Variants in NCS1 observed in about 807,000 individuals in gnomAD.
The protein encoded by NCS1 is frequenin homolog.
In NCS1, 6 loss-of-function variants were observed where a neutral mutation model predicts 28.4. That is an observed-to-expected ratio of 0.21 (90% confidence interval 0.12 to 0.42). NCS1 has a LOEUF of 0.42. Among genes scored for constraint, NCS1 ranks in the 10% least tolerant of loss-of-function variants. The probability of loss-of-function intolerance (pLI) is 1.00; values close to 1 mark genes in which losing one functional copy is unlikely to be tolerated. For synonymous variants in NCS1, 86 were observed against 99.3 expected (o/e 0.87, Z 0.79); for missense variants, 131 against 241.4 (o/e 0.54, Z 3.03).
intron 1 of NCS1, among the ~76,000 whole-genome samples, chr9:130,199,180 G>A (rs1043991194): frequency 1.3e-5 from 2 of 151,166 alleles, no homozygotes; most frequent in Admixed American, 6.6e-5. Context: ...TGCAACCTCC[G>A]CCTCCCGGGT....
Position 130,223,110 on chromosome 9 carries a change from A to G in NCS1, c.425A>G (p.Glu142Gly), listed in dbSNP as rs1833357348. 1 of 1,611,388 alleles carries G rather than the reference A, an allele frequency of 6.2e-7. No individual in the cohort carries two copies. Among genetic ancestry groups the G allele is most frequent in the African/African-American group, 1.3e-5 (1 of 74,626 alleles). Residue 142 changes from glutamate to glycine, a missense_variant, in exon 6 of 8, where the codon GAG (glutamate) becomes GGG (glycine). Physicochemically the swap from Glu to Gly is moderately conservative, Grantham distance 98 (BLOSUM62 -2). Coordinates refer to ENST00000372398, the MANE Select transcript of NCS1 (RefSeq NM_014286.4). ...VGNTVELPEE[E>G]NTPEKRVDRI... ...AATACCGTGGAGCTCCCAGAGGAGGAGAACACTCCTGAGAAGAGGGTGGAC... is the reference window on the plus strand; with the variant it reads ...AATACCGTGGAGCTCCCAGAGGAGGGGAACACTCCTGAGAAGAGGGTGGAC...
rs1393176013 is a variant in NCS1, at chr9:130,219,964, C to G, written c.307+161C>G. Among the ~76,000 whole-genome samples, 1 of 152,238 alleles carries G rather than the reference C, an allele frequency of 6.6e-6. No homozygotes were observed. Among genetic ancestry groups the G allele is most frequent in the Non-Finnish European group, 1.5e-5 (1 of 68,034 alleles). On this transcript the variant is annotated intron_variant, in intron 4 of 7. Coordinates refer to ENST00000372398, the MANE Select transcript of NCS1 (RefSeq NM_014286.4). This position sits in a 1 kb window ranked among gnomAD's most constrained non-coding sequence, Gnocchi z 5.7. Reference sequence around the variant, plus strand: ...GCAGAGGGCAGGCCTGGGCCCTGGGCAGGTGGCCCTCACACGGCCACGTAA... The same window carrying G: ...GCAGAGGGCAGGCCTGGGCCCTGGGGAGGTGGCCCTCACACGGCCACGTAA...
chr9:130,210,819 T>G (rs2131144137), intron 2 of NCS1, among the ~76,000 whole-genome samples: 1 of 151,766 alleles, frequency 6.6e-6, no homozygotes, highest in East Asian at 1.9e-4. Context: ...GAAAAAAAAT[T>G]CAACACCTTT....
Position 130,222,729 on chromosome 9 carries a change from C to T in NCS1, c.387C>T (p.Tyr129=), listed in dbSNP as rs782605696. 3 of 1,613,930 alleles carry T rather than the reference C, an allele frequency of 1.9e-6. No individual in the cohort carries two copies. The highest frequency in any genetic ancestry group is 1.7e-5 in the Admixed American group (1 of 60,002). The part of the protein sequence containing the change: ...NEMLDIVDAI[Y]QMVGNTVELP... ...TGCTGGACATTGTGGATGCCATTTA[C>T]CAGATGGTGGTGAGAAGCCGGGTCT... The change falls in exon 5 of 8, where the codon TAC becomes TAT. Residue 129 remains tyrosine, a synonymous_variant. Coordinates refer to ENST00000372398, the MANE Select transcript of NCS1 (RefSeq NM_014286.4).
chr9:130,218,009 A>G lies in NCS1; in HGVS notation c.228+39A>G, dbSNP rs1294532266. The G allele has an allele frequency of 3.7e-6, 6 of 1,613,242 alleles. No individual in the cohort carries two copies. The African/African-American group carries it at 8.0e-5, about 22-fold the overall frequency. The stretch of plus-strand genomic sequence containing the variant: ...TGATGGGGCCTGCGGCAGCTGGCTC[A>G]GCTCCTGTGGGTACCCGCAGCGTCT... On this transcript the variant is annotated intron_variant, in intron 3 of 7. Coordinates refer to ENST00000372398, the MANE Select transcript of NCS1 (RefSeq NM_014286.4).
intron 4 of NCS1, among the ~76,000 whole-genome samples, chr9:130,220,753 C>CTT (rs58649256): frequency 1.4e-5 from 2 of 143,206 alleles, no homozygotes; most frequent in Non-Finnish European, 3.1e-5. Flanking sequence ...TTCTTTCTTT[C>CTT]TTTTTTTTTT....
At chr9:130,217,754 C>T in intron 2 of NCS1, 78 bp from the exon 3 acceptor site, 1 of 1,604,338 alleles carries the variant, frequency 6.2e-7, no homozygotes, top group Admixed American at 1.7e-5. Flanking sequence ...TTCCTGGGCC[C>T]CGGGCAGGCG....
chr9:130,181,473 T>A lies in NCS1; in HGVS notation c.64+8746T>A, dbSNP rs1832653851. Among the ~76,000 whole-genome samples, 1 of 151,360 alleles carries A rather than the reference T, an allele frequency of 6.6e-6. No individual in the cohort carries two copies. The highest frequency in any genetic ancestry group is 1.5e-5 in the Non-Finnish European group (1 of 67,990). ...CCCAGGCCTGTCCTTGGTGTTCACG[T>A]GTGTTCCTCACCAATTCCACCCAGG... On this transcript the variant is annotated intron_variant, in intron 1 of 7. Coordinates refer to ENST00000372398, the MANE Select transcript of NCS1 (RefSeq NM_014286.4). This position sits in a 1 kb window ranked among gnomAD's most constrained non-coding sequence, Gnocchi z 5.0.
intron 1 of NCS1, among the ~76,000 whole-genome samples, chr9:130,187,412 C>G (rs1244461271): frequency 6.6e-6 from 1 of 152,156 alleles, no homozygotes; most frequent in Admixed American, 6.5e-5. Context: ...CTTAAAGGGC[C>G]AGAGCCGGAG....
At chr9:130,225,837 C>T (rs1285086333) in intron 6 of NCS1, among the ~76,000 whole-genome samples, 8 of 152,224 alleles carry the variant, frequency 5.3e-5, no homozygotes, top group South Asian at 2.1e-4. Flanking sequence ...TGTGGTCCGC[C>T]GGCTTCCTTG....
intron 1 of NCS1, among the ~76,000 whole-genome samples, chr9:130,198,076 A>C (rs1394090268): frequency 6.6e-6 from 1 of 152,056 alleles, no homozygotes; most frequent in Admixed American, 6.5e-5. Context: ...CTGTTTCCTA[A>C]AGGTCAATTT....
chr9:130,200,171 G>A (rs1169912165), intron 1 of NCS1, among the ~76,000 whole-genome samples: 2 of 152,192 alleles, frequency 1.3e-5, no homozygotes, highest in Non-Finnish European at 2.9e-5. Context: ...AGGAGGAGCC[G>A]TCCCGCGCTC....
At chr9:130,231,135 G>A (rs1554912058) in intron 7 of NCS1, among the ~76,000 whole-genome samples, 1 of 152,064 alleles carries the variant, frequency 6.6e-6, no homozygotes, top group South Asian at 2.1e-4. Flanking sequence ...TGGATCACTT[G>A]AGCCAAAGAG....
In NCS1 at chr9:130,235,124, C is replaced by G. The variant is rs1239185375; in HGVS notation, c.*2152C>G. On this transcript the variant is annotated 3_prime_UTR_variant, in exon 8 of 8. Coordinates refer to ENST00000372398, the MANE Select transcript of NCS1 (RefSeq NM_014286.4). The stretch of plus-strand genomic sequence containing the variant: ...CTGCACGCTGGCCCCACGGTAACCC[C>G]CCCTCCCCCACCAACATCCTGCAGG... The G allele has an allele frequency of 6.6e-6, 1 of 152,202 alleles. No individual in the cohort carries two copies. The highest frequency in any genetic ancestry group is 1.5e-5 in the Non-Finnish European group (1 of 68,164). The allele number at this position is 152,202 out of a possible 1,614,324, so 9.4% of individuals were successfully genotyped here. A position where few individuals can be genotyped will look rare whatever the true frequency, so the allele number is the denominator to read the frequency against.
In NCS1 at chr9:130,226,652, C is replaced by T. The variant is rs1833420699; in HGVS notation, c.*17+148C>T. The stretch of plus-strand genomic sequence containing the variant: ...CAGGGACATAGCTGGGAGGAGGAGG[C>T]TGGAAGGGGGGCCTTCAAATTGGTC... On this transcript the variant is annotated intron_variant, in intron 7 of 7. Coordinates refer to ENST00000372398, the MANE Select transcript of NCS1 (RefSeq NM_014286.4). The surrounding 1 kb of genome is among the most constrained non-coding windows in gnomAD (Gnocchi z 4.8). 1 of 627,048 alleles carries T rather than the reference C, an allele frequency of 1.6e-6. No homozygotes were observed. Among genetic ancestry groups the T allele is most frequent in the Admixed American group, 2.7e-5 (1 of 37,174 alleles). The allele number at this position is 627,048 out of a possible 1,614,324, so 38.8% of individuals were successfully genotyped here.
At position 130,175,439 on chromosome 9, in the gene NCS1, G is replaced by A. The variant is rs1357748268; in HGVS notation, c.64+2712G>A. On this transcript the variant is annotated intron_variant, in intron 1 of 7. Coordinates refer to ENST00000372398, the MANE Select transcript of NCS1 (RefSeq NM_014286.4). The surrounding 1 kb of genome is among the most constrained non-coding windows in gnomAD (Gnocchi z 4.9). ...ACCTGGGCTGCCCTCCCGGATTTCC[G>A]ATTCTTTAGGTCTGGCTGGGGCCCA... Among the ~76,000 whole-genome samples, 1 of 152,156 alleles carries A rather than the reference G, an allele frequency of 6.6e-6. No individual in the cohort carries two copies. The highest frequency in any genetic ancestry group is 1.5e-5 in the Non-Finnish European group (1 of 68,032).
rs561225150 is a variant in NCS1 at position 130,225,664 on chromosome 9, C to T, written c.475-725C>T. On this transcript the variant is annotated intron_variant, in intron 6 of 7. Coordinates refer to ENST00000372398, the MANE Select transcript of NCS1 (RefSeq NM_014286.4). ...AGCAGCACCCCCTTCTTGGCTTGGC[C>T]GTGAGGGTTCCATACACTGAGGGTT... Among the ~76,000 whole-genome samples the T allele has an allele frequency of 5.3e-5, 8 of 152,326 alleles. 1 individual carries two copies. The South Asian group carries it at 1.2e-3, about 24-fold the overall frequency.
intron 2 of NCS1, among the ~76,000 whole-genome samples, chr9:130,208,441 G>A (rs538266972): frequency 6.6e-6 from 1 of 152,092 alleles, no homozygotes; most frequent in East Asian, 1.9e-4. Context: ...ACCACGCCTG[G>A]CTAATTTTTG....
chr9:130,173,488 T>C (rs1832520255), intron 1 of NCS1, among the ~76,000 whole-genome samples: 1 of 152,186 alleles, frequency 6.6e-6, no homozygotes, highest in Non-Finnish European at 1.5e-5. Context: ...TGCAGTCCCC[T>C]TGCAGTCCTA....
Sources: gnomAD v4.1 joint callset for allele counts (sites outside exome capture counted in the v4.1 genomes callset) on GRCh38, gnomAD v4.1.1 for gene constraint, Gnocchi (gnomAD v3.1) non-coding constraint, MANE v1.5 for transcripts, NCBI Gene and HGNC (gene_info 2026-07-23, HGNC 2026-07-21) for gene names.